Variants in PPP2R2B observed in about 807,000 individuals in gnomAD.
PPP2R2B encodes the protein serine/threonine-protein phosphatase 2A 55 kDa regulatory subunit B beta isoform.
PPP2R2B carries 5 observed loss-of-function variants against 46.0 expected under a neutral mutation model. That is an observed-to-expected ratio of 0.11 (90% CI 0.06 to 0.23). The LOEUF (loss-of-function observed/expected upper bound fraction) is 0.23, where lower values mean the gene tolerates loss of function less well. Among genes scored for constraint, PPP2R2B ranks in the 10% least tolerant of loss-of-function variants. The pLI is 1.00. For synonymous variants in PPP2R2B, 215 were observed against 206.7 expected (o/e 1.04, Z -0.34); for missense variants, 367 against 575.0 (o/e 0.64, Z 3.70).
intron 2 of PPP2R2B, among the ~76,000 whole-genome samples, chr5:146,869,268 G>A (rs1045445729): frequency 6.6e-6 from 1 of 152,282 alleles, no homozygotes; most frequent in Non-Finnish European, 1.5e-5. Flanking sequence ...CTAAGAAATG[G>A]GAACTGTCAT....
intron 5 of PPP2R2B, among the ~76,000 whole-genome samples, chr5:146,658,266 C>T (rs1002811482): frequency 6.6e-6 from 1 of 152,072 alleles, no homozygotes. Context: ...ATATGTTATC[C>T]CATCTTGAGG....
chr5:146,588,412 A>ACTT lies in PPP2R2B; in HGVS notation c.*1532_*1534dup, dbSNP rs1215474089. Reference sequence around the variant, plus strand: ...AAGCAAATTACACTTGAAAGTCAGGACTTCTAATACATCTGTAAACTGAAA... The same window carrying ACTT: ...AAGCAAATTACACTTGAAAGTCAGGACTTCTTCTAATACATCTGTAAACTGAAA... On this transcript the variant is annotated 3_prime_UTR_variant, in exon 10 of 10. Coordinates refer to ENST00000394411, the MANE Select transcript of PPP2R2B (RefSeq NM_181675.4). 2.4e-4 allele frequency: 36 copies of ACTT among 152,278 alleles called. No individual in the cohort carries two copies. The highest frequency in any genetic ancestry group is 8.7e-4 in the African/African-American group (36 of 41,544). 9.4% of individuals were successfully genotyped at this position (152,278 alleles called of 1,614,324 possible).
intron 8 of PPP2R2B, 35 bp downstream of exon 8, chr5:146,600,256 G>A (rs1421897341): frequency 3.1e-6 from 5 of 1,598,810 alleles, no homozygotes; most frequent in Non-Finnish European, 4.3e-6. Flanking sequence ...TGAAGGGAAT[G>A]TTCAATATAC....
chr5:146,894,785 C>T (rs1394438990), intron 1 of PPP2R2B, among the ~76,000 whole-genome samples: 1 of 152,160 alleles, frequency 6.6e-6, no homozygotes, highest in Non-Finnish European at 1.5e-5. Flanking sequence ...TTGAAATTCT[C>T]TTCATTCTCC....
intron 1 of PPP2R2B, among the ~76,000 whole-genome samples, chr5:146,922,940 T>C (rs971489337): frequency 2.0e-5 from 3 of 152,170 alleles, no homozygotes; most frequent in Admixed American, 6.5e-5. Flanking sequence ...ATCCGGAAGA[T>C]AGTGGAAATA....
intron 5 of PPP2R2B, among the ~76,000 whole-genome samples, chr5:146,670,859 T>C (rs1283700615): frequency 6.6e-6 from 1 of 152,202 alleles, no homozygotes; most frequent in Non-Finnish European, 1.5e-5. Flanking sequence ...TAGGGAACTT[T>C]ACACTGTAAC....
intron 2 of PPP2R2B, among the ~76,000 whole-genome samples, chr5:146,751,816 A>G (rs1753572575): frequency 6.6e-6 from 1 of 152,192 alleles, no homozygotes; most frequent in African/African-American, 2.4e-5. Context: ...AAGAACTTGA[A>G]TGAAGTGATG....
chr5:146,680,051 A>T (rs1386634182), intron 5 of PPP2R2B, among the ~76,000 whole-genome samples: 1 of 150,784 alleles, frequency 6.6e-6, no homozygotes, highest in African/African-American at 2.4e-5. Context: ...CTGGGTATAT[A>T]CCCAAAGGAC....
chr5:146,987,851 C>T (rs544080710), intron 1 of PPP2R2B, among the ~76,000 whole-genome samples: 1 of 151,780 alleles, frequency 6.6e-6, no homozygotes, highest in African/African-American at 2.4e-5. Context: ...GATAAGAAAC[C>T]CAACTATATG....
Position 146,582,641 on chromosome 5 carries a change from T to A in PPP2R2B, c.*7306A>T, listed in dbSNP as rs1394473397. On this transcript the variant is annotated 3_prime_UTR_variant, in exon 10 of 10. Coordinates refer to ENST00000394411, the MANE Select transcript of PPP2R2B (RefSeq NM_181675.4). The stretch of plus-strand genomic sequence containing the variant: ...ATCTTATAAGCTTCCTGTGGGCAAG[T>A]GCTGTGCCTGACTTCCTTACACGTT... The A allele has an allele frequency of 6.6e-6, 1 of 152,246 alleles. No homozygotes were observed. Among genetic ancestry groups the A allele is most frequent in the South Asian group, 2.1e-4 (1 of 4,828 alleles). The allele number at this position is 152,246 out of a possible 1,614,324, so 9.4% of individuals were successfully genotyped here.
At position 146,617,757 on chromosome 5, in the gene PPP2R2B, C is replaced by T. The variant is rs562112276; in HGVS notation, c.791-17297G>A. Among the ~76,000 whole-genome samples the T allele has an allele frequency of 5.9e-5, 9 of 151,366 alleles. 1 individual carries two copies. In the East Asian group the frequency reaches 9.7e-4, roughly 16 times the overall value. ...TCACCGAGGCTGGAGTGCAGTGGCGCGATCTCAGCTCACTGCAACCTCTGC... is the reference window on the plus strand; with the variant it reads ...TCACCGAGGCTGGAGTGCAGTGGCGTGATCTCAGCTCACTGCAACCTCTGC... On this transcript the variant is annotated intron_variant, in intron 7 of 9. Coordinates refer to ENST00000394411, the MANE Select transcript of PPP2R2B (RefSeq NM_181675.4).
upstream of PPP2R2B, chr5:147,055,979 C>T: frequency 7.4e-7 from 1 of 1,359,020 alleles, no homozygotes; most frequent in South Asian, 1.7e-5. Context: ...CCCAAGCAAG[C>T]CGGGATATAG....
intron 2 of PPP2R2B, among the ~76,000 whole-genome samples, chr5:146,853,013 G>A (rs910523194): frequency 7.2e-5 from 11 of 152,094 alleles, no homozygotes; most frequent in African/African-American, 2.2e-4. Flanking sequence ...CTGAGCAGTC[G>A]TCACAGAGGG....
chr5:146,632,897 C>T (rs959940919), intron 7 of PPP2R2B, among the ~76,000 whole-genome samples: 2 of 152,010 alleles, frequency 1.3e-5, no homozygotes, highest in Non-Finnish European at 2.9e-5. Flanking sequence ...GGGAGCTGAG[C>T]CTGGAAATGT....
intron 1 of PPP2R2B, among the ~76,000 whole-genome samples, chr5:146,964,080 T>C (rs1166124408): frequency 1.3e-5 from 2 of 152,222 alleles, no homozygotes; most frequent in East Asian, 3.8e-4. Context: ...GGTTCAAAGA[T>C]AGTTTTGCCT....
At chr5:146,709,804 C>A (rs948186470) in intron 2 of PPP2R2B, among the ~76,000 whole-genome samples, 1 of 152,130 alleles carries the variant, frequency 6.6e-6, no homozygotes, top group Non-Finnish European at 1.5e-5. Flanking sequence ...CTTAAGACAG[C>A]CTATGTCTGA....
intron 1 of PPP2R2B, among the ~76,000 whole-genome samples, chr5:146,958,092 A>C (rs1250548043): frequency 6.6e-6 from 1 of 152,102 alleles, no homozygotes; most frequent in Non-Finnish European, 1.5e-5. Context: ...CTGCCAAGAC[A>C]TTAATCAAAC....
chr5:146,929,138 C>T (rs967159238), intron 1 of PPP2R2B, among the ~76,000 whole-genome samples: 11 of 152,160 alleles, frequency 7.2e-5, no homozygotes, highest in South Asian at 2.1e-4. Context: ...CCCCACTGCC[C>T]GCCTACCTCT....
chr5:146,600,538 G>A (rs958118495), intron 7 of PPP2R2B, 78 bp from the exon 8 acceptor site: 22 of 1,435,492 alleles, frequency 1.5e-5, no homozygotes, highest in African/African-American at 1.3e-4. Context: ...TGGCTAGGAA[G>A]CTGACAGTGT....
Sources: gnomAD v4.1 joint callset for allele counts (sites outside exome capture counted in the v4.1 genomes callset) on GRCh38, gnomAD v4.1.1 for gene constraint, MANE v1.5 for transcripts, NCBI Gene and HGNC (gene_info 2026-07-23, HGNC 2026-07-21) for gene names.